PRKAA2: variants seen among roughly 807,000 people sequenced by gnomAD.
The protein encoded by PRKAA2 is protein kinase AMP-activated catalytic subunit alpha 2.
PRKAA2 carries 40 observed loss-of-function variants against 56.3 expected under a neutral mutation model. That is an observed-to-expected ratio of 0.71 (90% confidence interval 0.55 to 0.92). The LOEUF (loss-of-function observed/expected upper bound fraction) is 0.92. PRKAA2 is among the 40% of genes least tolerant of loss of function. The pLI is 0.00. For missense variants in PRKAA2, 542 were observed against 686.9 expected (o/e 0.79, Z 2.36); for synonymous variants, 214 against 234.2 (o/e 0.91, Z 0.79).
chr1:56,708,176 C>T lies in PRKAA2; in HGVS notation c.*463C>T, dbSNP rs1214642326. The T allele has an allele frequency of 2.5e-5, 4 of 159,392 alleles. No individual in the cohort carries two copies. The highest frequency in any genetic ancestry group is 3.4e-3 in the Middle Eastern group (1 of 296). 9.9% of individuals were successfully genotyped at this position (159,392 alleles called of 1,614,324 possible). A position where few individuals can be genotyped will look rare whatever the true frequency, so the allele number is the denominator to read the frequency against. ...AGAAGATTAAAAAGTAAAAGAACCACGAGTAAGATATTATTTAAATGTTGA... is the reference window on the plus strand; with the variant it reads ...AGAAGATTAAAAAGTAAAAGAACCATGAGTAAGATATTATTTAAATGTTGA... On this transcript the variant is annotated 3_prime_UTR_variant, in exon 9 of 9. Transcript: ENST00000371244.
rs1302805492 is a variant in PRKAA2, at chr1:56,714,189, C to T, written c.*6476C>T. 1 of 152,112 alleles carries T rather than the reference C, an allele frequency of 6.6e-6. No homozygotes were observed. Among genetic ancestry groups the T allele is most frequent in the Non-Finnish European group, 1.5e-5 (1 of 68,006 alleles). 9.4% of individuals were successfully genotyped at this position (152,112 alleles called of 1,614,324 possible). The stretch of plus-strand genomic sequence containing the variant: ...GAATGGCAGTTTTTATATTTTAACC[C>T]TTTAAAAAGTTTGTCAAGGAAACAA... On this transcript the variant is annotated 3_prime_UTR_variant, in exon 9 of 9. Transcript: ENST00000371244.
At chr1:56,672,127 A>T (rs998956902) in intron 1 of PRKAA2, among the ~76,000 whole-genome samples, 18 of 151,770 alleles carry the variant, frequency 1.2e-4, no homozygotes, top group Non-Finnish European at 2.2e-4. Flanking sequence ...TTTGTTTTTC[A>T]TTTTTTTAGA....
At position 56,662,718 on chromosome 1, in the gene PRKAA2, T is replaced by C. The variant is rs11582786; in HGVS notation, c.95-11663T>C. Among the ~76,000 whole-genome samples, 583 of 152,318 alleles carry C rather than the reference T, an allele frequency of 3.8e-3. 2 individuals are homozygous for C. The highest frequency in any genetic ancestry group is 5.8e-3 in the Non-Finnish European group (395 of 68,016). On this transcript the variant is annotated intron_variant, in intron 1 of 8. Transcript: ENST00000371244. ...CCATGTCAGTGCAGTCTTTTTTACA[T>C]GAGTAACTAAAAGAAAATAGGTTTG...
intron 1 of PRKAA2, among the ~76,000 whole-genome samples, chr1:56,655,152 A>AC (rs1408612113): frequency 6.7e-6 from 1 of 149,732 alleles, no homozygotes; most frequent in Non-Finnish European, 1.5e-5. Context: ...AATATACCAT[A>AC]CTTTTTTTTT....
chr1:56,700,757 A>G (rs1001533226), intron 6 of PRKAA2, among the ~76,000 whole-genome samples: 2 of 152,156 alleles, frequency 1.3e-5, no homozygotes, highest in African/African-American at 4.8e-5. Flanking sequence ...GACATGTAAA[A>G]TAATGACAGT....
chr1:56,690,646 C>A (rs1351607666), intron 2 of PRKAA2, among the ~76,000 whole-genome samples: 2 of 152,076 alleles, frequency 1.3e-5, no homozygotes, highest in Non-Finnish European at 2.9e-5. Context: ...TATAGTTTAT[C>A]CTTTCCCTTT....
At chr1:56,700,521 T>G (rs1296670406) in intron 6 of PRKAA2, among the ~76,000 whole-genome samples, 1 of 152,226 alleles carries the variant, frequency 6.6e-6, no homozygotes, top group East Asian at 1.9e-4. Flanking sequence ...AAGACCCCTC[T>G]GGAAATTGTG....
intron 1 of PRKAA2, among the ~76,000 whole-genome samples, chr1:56,661,160 C>T (rs991156604): frequency 1.1e-4 from 17 of 152,228 alleles, no homozygotes; most frequent in African/African-American, 3.4e-4. Flanking sequence ...TCTCTTGGCT[C>T]GTCACAGCTT....
chr1:56,668,014 A>G (rs1358772760), intron 1 of PRKAA2, among the ~76,000 whole-genome samples: 1 of 152,136 alleles, frequency 6.6e-6, no homozygotes, highest in African/African-American at 2.4e-5. Context: ...GGTAGGCTTG[A>G]TTTTATTTAT....
intron 1 of PRKAA2, among the ~76,000 whole-genome samples, chr1:56,660,175 A>G (rs1341290308): frequency 1.3e-5 from 2 of 152,156 alleles, no homozygotes; most frequent in East Asian, 3.9e-4. Context: ...TATGTTCTCC[A>G]CCAGAAGGCA....
chr1:56,705,950 A>G (rs1229551615), intron 7 of PRKAA2, 142 bp from the exon 8 acceptor site: 11 of 678,172 alleles, frequency 1.6e-5, no homozygotes, highest in East Asian at 2.8e-5. Context: ...TTAAATAAAT[A>G]CTAAAGTGAA....
rs887179081 is a variant in PRKAA2 at position 56,712,044 on chromosome 1, G to T, written c.*4331G>T. The T allele has an allele frequency of 6.6e-6, 1 of 152,138 alleles. No homozygotes were observed. Among genetic ancestry groups the T allele is most frequent in the African/African-American group, 2.4e-5 (1 of 41,444 alleles). 9.4% of individuals were successfully genotyped at this position (152,138 alleles called of 1,614,324 possible). ...CAAAGCATTACAAATTTGGAGTGAT[G>T]AAAGTGTTCCATATATTTTTTATAG... On this transcript the variant is annotated 3_prime_UTR_variant, in exon 9 of 9. Coordinates refer to ENST00000371244, the MANE Select transcript of PRKAA2 (RefSeq NM_006252.4).
At chr1:56,692,028 A>ATTTT (rs397863487) in intron 3 of PRKAA2, among the ~76,000 whole-genome samples, 116 of 112,774 alleles carry the variant, frequency 1.0e-3, no homozygotes, top group African/African-American at 1.3e-3. Context: ...GATGTCTCAG[A>ATTTT]TTTTTTTTTT....
At chr1:56,704,515 AT>A in intron 7 of PRKAA2, 40 bp downstream of exon 7, 1 of 1,531,484 alleles carries the variant, frequency 6.5e-7, no homozygotes, top group Non-Finnish European at 8.7e-7. Flanking sequence ...TGTAGAAGCC[AT>A]TTTTCTATAT....
chr1:56,675,170 CAAT>C (rs1198326216), intron 2 of PRKAA2, among the ~76,000 whole-genome samples: 1 of 150,944 alleles, frequency 6.6e-6, no homozygotes, highest in African/African-American at 2.5e-5. Flanking sequence ...ATTCATTGTG[CAAT>C]AATGTGTTTC....
At chr1:56,705,964 C>A in intron 7 of PRKAA2, 128 bp from the exon 8 acceptor site, 1 of 734,902 alleles carries the variant, frequency 1.4e-6, no homozygotes, top group Non-Finnish European at 2.2e-6. Context: ...AAGTGAACTA[C>A]CAGTAATATA....
intron 4 of PRKAA2, 97 bp from the exon 5 acceptor site, chr1:56,693,668 A>G: frequency 1.4e-6 from 1 of 707,318 alleles, no homozygotes; most frequent in East Asian, 2.8e-5. Flanking sequence ...AAAATGATAT[A>G]TGGAGGATCC....
In PRKAA2 at chr1:56,688,233, G is replaced by A. The variant is rs901238863; in HGVS notation, c.237-3161G>A. On this transcript the variant is annotated intron_variant, in intron 2 of 8. Coordinates refer to ENST00000371244, the MANE Select transcript of PRKAA2 (RefSeq NM_006252.4). ...CTACCCCATTGTGGTTAGGGGTGGGGGACAAAGGGAAATTTTATTGGTTGA... is the reference window on the plus strand; with the variant it reads ...CTACCCCATTGTGGTTAGGGGTGGGAGACAAAGGGAAATTTTATTGGTTGA... Among the ~76,000 whole-genome samples the A allele has an allele frequency of 7.2e-5, 11 of 152,022 alleles. No individual in the cohort carries two copies. The East Asian group carries it at 1.9e-3, about 27-fold the overall frequency.
At position 56,645,601 on chromosome 1, in the gene PRKAA2, G is replaced by C. The variant is rs1332023325; in HGVS notation, c.94+120G>C. 3.4e-6 allele frequency: 3 copies of C among 885,548 alleles called. No individual in the cohort carries two copies. In the South Asian group the frequency reaches 1.0e-4, roughly 29 times the overall value. 54.9% of individuals were successfully genotyped at this position (885,548 alleles called of 1,614,324 possible). ...GCTCGGCGGCAGGTGGAGCGGTCCC[G>C]GGTCGCGCGGAGCTGGGGCCCCGGG... On this transcript the variant is annotated intron_variant, in intron 1 of 8. Coordinates refer to ENST00000371244, the MANE Select transcript of PRKAA2 (RefSeq NM_006252.4).
Sources: gnomAD v4.1 joint callset for allele counts (sites outside exome capture counted in the v4.1 genomes callset) on GRCh38, gnomAD v4.1.1 for gene constraint, MANE v1.5 for transcripts, NCBI Gene and HGNC (gene_info 2026-07-23, HGNC 2026-07-21) for gene names.